The following HEMK2 variants were observed in gnomAD, a reference collection of about 807,000 sequenced individuals.
HEMK2 encodes HemK methyltransferase 2, ETF1 glutamine and histone H4 lysine.
At chr21:28,669,445 C>T in the HEMK2 span, among the ~76,000 whole-genome samples, 1,694 of 152,316 alleles carry the variant, frequency 0.011, 26 homozygotes, top group African/African-American at 0.038. Flanking sequence ...TGCCATTTGA[C>T]TTTGCAGTTC....
chr21:28,766,113 A>G, the HEMK2 span, among the ~76,000 whole-genome samples: 3 of 152,182 alleles, frequency 2.0e-5, no homozygotes, highest in Middle Eastern at 6.8e-3. Flanking sequence ...ATGAGAACAC[A>G]TGGACACAGG....
At chr21:28,866,148 G>GAAAAA in the HEMK2 span, among the ~76,000 whole-genome samples, 73 of 17,472 alleles carry the variant, frequency 4.2e-3, 9 homozygotes, top group Middle Eastern at 0.026. Flanking sequence ...TGTCTCTACA[G>GAAAAA]AAAAAACAAA....
the HEMK2 span, among the ~76,000 whole-genome samples, chr21:28,688,098 G>A: frequency 1.3e-5 from 2 of 152,164 alleles, no homozygotes; most frequent in Non-Finnish European, 2.9e-5. Context: ...CAAAATGCCT[G>A]ATGATCACCA....
the HEMK2 span, among the ~76,000 whole-genome samples, chr21:28,810,312 G>A: frequency 7.9e-5 from 12 of 152,058 alleles, no homozygotes; most frequent in Admixed American, 6.5e-5. Flanking sequence ...TTTAATAGAC[G>A]GACTCAGGGA....
At chr21:28,638,700 C>T in the HEMK2 span, among the ~76,000 whole-genome samples, 1 of 152,090 alleles carries the variant, frequency 6.6e-6, no homozygotes, top group South Asian at 2.1e-4. Flanking sequence ...TGTCTGCAGT[C>T]AGCTGGCAAA....
At chr21:28,847,829 T>C in the HEMK2 span, among the ~76,000 whole-genome samples, 39 of 152,216 alleles carry the variant, frequency 2.6e-4, no homozygotes, top group Non-Finnish European at 4.6e-4. Flanking sequence ...GTTTCAGTTT[T>C]CTGTATGTGG....
the HEMK2 span, among the ~76,000 whole-genome samples, chr21:28,708,732 G>T: frequency 4.6e-5 from 7 of 152,316 alleles, no homozygotes; most frequent in African/African-American, 1.4e-4. Context: ...ATTCAAAACG[G>T]ATTCATACCA....
At chr21:28,582,280 C>T in the HEMK2 span, among the ~76,000 whole-genome samples, 3 of 152,194 alleles carry the variant, frequency 2.0e-5, no homozygotes, top group Admixed American at 2.0e-4. Context: ...CCAGCTCACA[C>T]TCATAGACAT....
chr21:28,812,354 G>C, the HEMK2 span, among the ~76,000 whole-genome samples: 1 of 152,112 alleles, frequency 6.6e-6, no homozygotes. Context: ...TAGCATGAAG[G>C]GGTATTGAAT....
At chr21:28,582,050 G>C in the HEMK2 span, among the ~76,000 whole-genome samples, 1 of 152,302 alleles carries the variant, frequency 6.6e-6, no homozygotes, top group East Asian at 1.9e-4. Flanking sequence ...ATAACCAGCA[G>C]AGTGTGATCC....
chr21:28,879,396 C>G, the HEMK2 span, among the ~76,000 whole-genome samples: 1 of 152,158 alleles, frequency 6.6e-6, no homozygotes, highest in African/African-American at 2.4e-5. Context: ...TGTGTGCCAC[C>G]AGGCCCGGCT....
the HEMK2 span, among the ~76,000 whole-genome samples, chr21:28,640,996 T>C: frequency 6.6e-6 from 1 of 152,238 alleles, no homozygotes; most frequent in African/African-American, 2.4e-5. Context: ...ATTGGGCTTT[T>C]AGTAAAAATT....
chr21:28,594,426 G>A, the HEMK2 span, among the ~76,000 whole-genome samples: 1 of 152,168 alleles, frequency 6.6e-6, no homozygotes, highest in Non-Finnish European at 1.5e-5. Context: ...AAGGGAAACT[G>A]AGTGCATGTT....
chr21:28,694,170 G>T, the HEMK2 span, among the ~76,000 whole-genome samples: 5 of 152,140 alleles, frequency 3.3e-5, no homozygotes, highest in Non-Finnish European at 7.3e-5. Flanking sequence ...AGCACACTGG[G>T]CATTCATACC....
the HEMK2 span, among the ~76,000 whole-genome samples, chr21:28,821,137 GT>G: frequency 3.9e-5 from 6 of 151,996 alleles, no homozygotes; most frequent in Non-Finnish European, 8.8e-5. Context: ...CTGTTGTTCA[GT>G]TTTTTTTGAA....
chr21:28,802,023 G>A, the HEMK2 span, among the ~76,000 whole-genome samples: 2 of 152,074 alleles, frequency 1.3e-5, no homozygotes, highest in African/African-American at 2.4e-5. Flanking sequence ...ATTCTACTTT[G>A]GAGAATGTAT....
the HEMK2 span, among the ~76,000 whole-genome samples, chr21:28,700,365 G>A: frequency 6.6e-6 from 1 of 151,992 alleles, no homozygotes; most frequent in Non-Finnish European, 1.5e-5. Context: ...CAAAAAACAA[G>A]GGGAATTATT....
the HEMK2 span, among the ~76,000 whole-genome samples, chr21:28,869,731 C>T: frequency 6.6e-6 from 1 of 152,220 alleles, no homozygotes; most frequent in Non-Finnish European, 1.5e-5. Context: ...TGGAATAGAA[C>T]ACTTTCTATG....
the HEMK2 span, among the ~76,000 whole-genome samples, chr21:28,642,024 G>A: frequency 6.6e-6 from 1 of 152,194 alleles, no homozygotes; most frequent in Non-Finnish European, 1.5e-5. Flanking sequence ...AATTCCAGAG[G>A]TGGATGAATA....
Sources: allele counts gnomAD v4.1 joint callset (sites outside exome capture counted in the v4.1 genomes callset), GRCh38; gene constraint gnomAD v4.1.1; transcripts MANE v1.5; gene names NCBI Gene and HGNC (gene_info 2026-07-23, HGNC 2026-07-21).